Variants in AGAP1 observed in about 807,000 individuals in gnomAD.
AGAP1 encodes the protein ArfGAP with GTPase domain, ankyrin repeat and PH domain 1.
In AGAP1, 29 loss-of-function variants were observed where a neutral mutation model predicts 105.3. That is an observed-to-expected ratio of 0.28 (90% CI 0.21 to 0.38). The LOEUF (loss-of-function observed/expected upper bound fraction) is 0.38. Among genes scored for constraint, AGAP1 ranks in the 10% least tolerant of loss-of-function variants. The pLI is 1.00. For synonymous variants in AGAP1, 509 were observed against 485.9 expected (o/e 1.05, Z -0.63); for missense variants, 998 against 1,165.1 (o/e 0.86, Z 2.09).
intron 13 of AGAP1, among the ~76,000 whole-genome samples, chr2:236,018,749 GGCCTAAAGTCCCAATTCGA>G (rs1022447931): frequency 5.3e-5 from 8 of 152,112 alleles, no homozygotes; most frequent in African/African-American, 1.7e-4. Context: ...ATTCAGTACT[GGCCTAAAGTCCCAATTCGA>G]GCCCGTCTAT....
chr2:235,516,676 T>A (rs2149041111), intron 1 of AGAP1, among the ~76,000 whole-genome samples: 1 of 152,270 alleles, frequency 6.6e-6, no homozygotes, highest in Non-Finnish European at 1.5e-5. Context: ...TGGCTTCCCA[T>A]CATACCTGGA....
Position 236,119,644 on chromosome 2 carries a change from G to GC in AGAP1, c.2115-547dup, listed in dbSNP as rs1025589110. Among the ~76,000 whole-genome samples the GC allele has an allele frequency of 1.3e-5, 2 of 148,924 alleles. No individual in the cohort carries two copies. The highest frequency in any genetic ancestry group is 5.0e-5 in the African/African-American group (2 of 40,108). On this transcript the variant is annotated intron_variant, in intron 16 of 17. Coordinates refer to ENST00000304032, the MANE Select transcript of AGAP1 (RefSeq NM_001037131.3). This position sits in a 1 kb window ranked among gnomAD's most constrained non-coding sequence, Gnocchi z 6.6. ...CACTTACAGTCCTGCTTACAGTAAAGCAACTCTCGGCCCCAGAGACCATGC... is the reference window on the plus strand; with the variant it reads ...CACTTACAGTCCTGCTTACAGTAAAGCCAACTCTCGGCCCCAGAGACCATGC...
chr2:235,590,032 C>T (rs1400710586), intron 1 of AGAP1, among the ~76,000 whole-genome samples: 1 of 152,062 alleles, frequency 6.6e-6, no homozygotes, highest in Non-Finnish European at 1.5e-5. Context: ...AGGTGAGTGC[C>T]ACCACATCTG....
chr2:235,787,533 GTGGT>G lies in AGAP1; in HGVS notation c.674-10215_674-10212del, dbSNP rs1317012608. Among the ~76,000 whole-genome samples the G allele has an allele frequency of 1.3e-5, 2 of 152,208 alleles. No individual in the cohort carries two copies. Among genetic ancestry groups the G allele is most frequent in the Non-Finnish European group, 2.9e-5 (2 of 68,042 alleles). On this transcript the variant is annotated intron_variant, in intron 6 of 17. Coordinates refer to ENST00000304032, the MANE Select transcript of AGAP1 (RefSeq NM_001037131.3). The surrounding 1 kb of genome is among the most constrained non-coding windows in gnomAD (Gnocchi z 4.4). The stretch of plus-strand genomic sequence containing the variant: ...GTGTGCAGGAGGTGGATGTGATGTT[GTGGT>G]TGGTTGGTTGACATTTTCTAGATGA...
In AGAP1 at chr2:235,930,525, C is replaced by T. The variant is rs572762730; in HGVS notation, c.1325-240C>T. ...TTGTATAGGGTTGTTCGGTGCGAGC[C>T]ATCTGTGGCATCGGGTCCCTTCACA... On this transcript the variant is annotated intron_variant, in intron 11 of 17. Coordinates refer to ENST00000304032, the MANE Select transcript of AGAP1 (RefSeq NM_001037131.3). The surrounding 1 kb of genome is among the most constrained non-coding windows in gnomAD (Gnocchi z 7.9). Among the ~76,000 whole-genome samples the T allele has an allele frequency of 3.3e-5, 5 of 152,278 alleles. No individual in the cohort carries two copies. The highest frequency in any genetic ancestry group is 3.4e-3 in the Middle Eastern group (1 of 294).
rs769958290 is a variant in AGAP1 at position 236,084,134 on chromosome 2, A to C, written c.2114+34853A>C. On this transcript the variant is annotated intron_variant, in intron 16 of 17. Transcript: ENST00000304032. ...AACCCCTACAGCCTGTAAACACCAA[A>C]GTTCCCTCCTGTCTTGGAGTGGGGC... Among the ~76,000 whole-genome samples, 9 of 151,854 alleles carry C rather than the reference A, an allele frequency of 5.9e-5. No homozygotes were observed. The East Asian group carries it at 1.7e-3, about 29-fold the overall frequency.
At chr2:235,516,817 A>G (rs566868438) in intron 1 of AGAP1, among the ~76,000 whole-genome samples, 44 of 152,326 alleles carry the variant, frequency 2.9e-4, no homozygotes, top group African/African-American at 1.0e-3. Context: ...GGAGAGTGCC[A>G]TGTGGGACTC....
intron 6 of AGAP1, among the ~76,000 whole-genome samples, chr2:235,797,428 A>C (rs1050777790): frequency 2.6e-5 from 4 of 152,034 alleles, no homozygotes; most frequent in African/African-American, 9.7e-5. Context: ...CATTTCAGGC[A>C]ACAAGTAGGA....
rs1294810302 is a variant in AGAP1 at position 235,989,938 on chromosome 2, A to G, written c.1645+21315A>G. Among the ~76,000 whole-genome samples, 3 of 152,100 alleles carry G rather than the reference A, an allele frequency of 2.0e-5. No homozygotes were observed. The highest frequency in any genetic ancestry group is 4.8e-5 in the African/African-American group (2 of 41,416). ...CAATCTGGACAGTTTAGATCATTCA[A>G]ATGCGTAGCCGGGGTTGGGAACCAG... On this transcript the variant is annotated intron_variant, in intron 13 of 17. Coordinates refer to ENST00000304032, the MANE Select transcript of AGAP1 (RefSeq NM_001037131.3). This position sits in a 1 kb window ranked among gnomAD's most constrained non-coding sequence, Gnocchi z 4.4.
chr2:235,899,613 A>T (rs977743606), intron 10 of AGAP1, among the ~76,000 whole-genome samples: 1 of 152,238 alleles, frequency 6.6e-6, no homozygotes, highest in Non-Finnish European at 1.5e-5. Context: ...CAGTATCACC[A>T]TGGTGAACAT....
Position 235,729,469 on chromosome 2 carries a change from GAC to G in AGAP1, c.311-11493_311-11492del, listed in dbSNP as rs1242263697. ...GGGTCAGCTCAGCCTGAGAGCCAGT[GAC>G]CCCCTCCCCCAGGAGGATGCTGTAG... is the stretch of plus-strand genomic sequence containing the variant. On this transcript the variant is annotated intron_variant, in intron 3 of 17. Coordinates refer to ENST00000304032, the MANE Select transcript of AGAP1 (RefSeq NM_001037131.3). The surrounding 1 kb of genome is among the most constrained non-coding windows in gnomAD (Gnocchi z 5.0). 6.6e-6 allele frequency among the ~76,000 whole-genome samples: 1 copy of G among 152,100 alleles called. No homozygotes were observed. Among genetic ancestry groups the G allele is most frequent in the African/African-American group, 2.4e-5 (1 of 41,366 alleles).
At chr2:236,047,598 C>CTTTTTTTTTTTTTTTTTTTTTT (rs59007077) in intron 15 of AGAP1, among the ~76,000 whole-genome samples, 2 of 68,272 alleles carry the variant, frequency 2.9e-5, no homozygotes, top group Non-Finnish European at 5.0e-5. Context: ...TCTCACATTT[C>CTTTTTTTTTTTTTTTTTTTTTT]TTTTTTTTTT....
chr2:235,646,152 G>A (rs1947375819), intron 1 of AGAP1, among the ~76,000 whole-genome samples: 1 of 151,426 alleles, frequency 6.6e-6, no homozygotes, highest in Non-Finnish European at 1.5e-5. Flanking sequence ...GTGGGTGCCT[G>A]TAATCTGAGC....
chr2:235,645,541 G>C (rs1160308245), intron 1 of AGAP1, among the ~76,000 whole-genome samples: 1 of 152,176 alleles, frequency 6.6e-6, no homozygotes. Context: ...TAGTGACTGG[G>C]CTCAGCCATC....
At chr2:235,978,565 T>TA (rs1262101767) in intron 13 of AGAP1, among the ~76,000 whole-genome samples, 1 of 152,222 alleles carries the variant, frequency 6.6e-6, no homozygotes, top group Non-Finnish European at 1.5e-5. Context: ...GAGGGTTGAA[T>TA]AAAGTTGAGT....
At chr2:236,102,230 A>G (rs538895446) in intron 16 of AGAP1, among the ~76,000 whole-genome samples, 1 of 152,158 alleles carries the variant, frequency 6.6e-6, no homozygotes, top group Non-Finnish European at 1.5e-5. Flanking sequence ...ATCCTGGCTA[A>G]CACGGTGAAA....
rs1013083213 is a variant in AGAP1, at chr2:235,639,496, G to A, written c.164-69683G>A. Reference sequence around the variant, plus strand: ...CCAGAGCTGTTGCTCAGCGACTGTTGGCTGGTGAGGATGAGGCTCATGAAC... The same window carrying A: ...CCAGAGCTGTTGCTCAGCGACTGTTAGCTGGTGAGGATGAGGCTCATGAAC... On this transcript the variant is annotated intron_variant, in intron 1 of 17. Transcript: ENST00000304032. This position sits in a 1 kb window ranked among gnomAD's most constrained non-coding sequence, Gnocchi z 5.3. 3.3e-5 allele frequency among the ~76,000 whole-genome samples: 5 copies of A among 152,152 alleles called. No homozygotes were observed. The highest frequency in any genetic ancestry group is 5.9e-5 in the Non-Finnish European group (4 of 68,032).
chr2:236,010,732 T>G (rs979459745), intron 13 of AGAP1, among the ~76,000 whole-genome samples: 1 of 152,240 alleles, frequency 6.6e-6, no homozygotes. Flanking sequence ...AGGAGGGCTC[T>G]GTGTGTGTTT....
intron 1 of AGAP1, among the ~76,000 whole-genome samples, chr2:235,605,595 C>T (rs1336732890): frequency 6.6e-6 from 1 of 152,188 alleles, no homozygotes; most frequent in Non-Finnish European, 1.5e-5. Context: ...TTATTCAAGA[C>T]ACCCTAAGGG....
Sources: gnomAD v4.1 joint callset for allele counts (sites outside exome capture counted in the v4.1 genomes callset) on GRCh38, gnomAD v4.1.1 for gene constraint, Gnocchi (gnomAD v3.1) non-coding constraint, MANE v1.5 for transcripts, NCBI Gene and HGNC (gene_info 2026-07-23, HGNC 2026-07-21) for gene names.